Variants in EBAG9 observed in about 807,000 individuals in gnomAD.
EBAG9 encodes estrogen receptor binding site associated antigen 9.
Under a neutral mutation model 30.9 loss-of-function variants are expected in EBAG9, and 16 were observed. The ratio of observed to expected loss-of-function variants is 0.52; its 90% CI spans 0.35 to 0.79. EBAG9 has a LOEUF of 0.79. Ranked by LOEUF, EBAG9 falls within the 30% of genes least tolerant of loss-of-function variation. EBAG9 has a pLI of 0.01. For synonymous variants in EBAG9, 93 were observed against 82.8 expected (o/e 1.12, Z -0.67); for missense variants, 197 against 242.1 (o/e 0.81, Z 1.24).
At chr8:109,559,636 A>C (rs1821672180) in intron 5 of EBAG9, among the ~76,000 whole-genome samples, 1 of 152,112 alleles carries the variant, frequency 6.6e-6, no homozygotes, top group Non-Finnish European at 1.5e-5. Flanking sequence ...ACATAGCTAG[A>C]CCTCATCTCT....
chr8:109,549,321 T>C (rs1821448322), intron 1 of EBAG9, among the ~76,000 whole-genome samples: 1 of 152,028 alleles, frequency 6.6e-6, no homozygotes, highest in Non-Finnish European at 1.5e-5. Context: ...TAAGGAGATT[T>C]GTGTCTAGAT....
At chr8:109,544,916 G>T (rs1275580102) in intron 1 of EBAG9, among the ~76,000 whole-genome samples, 2 of 151,992 alleles carry the variant, frequency 1.3e-5, no homozygotes, top group Non-Finnish European at 2.9e-5. Context: ...ATTAAATAGT[G>T]ATTATTAGGG....
At position 109,564,487 on chromosome 8, in the gene EBAG9, G is replaced by A. The variant is rs938093541; in HGVS notation, c.570G>A (p.Arg190=). The A allele has an allele frequency of 6.2e-7, 1 of 1,612,814 alleles. No individual in the cohort carries two copies. The highest frequency in any genetic ancestry group is 1.7e-5 in the Admixed American group (1 of 59,918). ...DREKRAAEQQ[R]KKMEKEAQRL... is the part of the protein sequence containing the mutation. ...AAAAGAGAGCAGCCGAACAACAAAGGAAGAAAATGGAAAAGGAAGCACAAC... is the reference window on the plus strand; with the variant it reads ...AAAAGAGAGCAGCCGAACAACAAAGAAAGAAAATGGAAAAGGAAGCACAAC... The change falls in exon 7 of 7, where the codon AGG becomes AGA. Residue 190 remains arginine, a synonymous_variant. Transcript: ENST00000337573.
intron 4 of EBAG9, among the ~76,000 whole-genome samples, chr8:109,556,353 C>G (rs555895733): frequency 6.6e-6 from 1 of 152,134 alleles, no homozygotes; most frequent in Admixed American, 6.5e-5. Flanking sequence ...TGTCTCAATG[C>G]TAAAACACAT....
rs536345554 is a variant in EBAG9, at chr8:109,544,805, T to A, written c.-16+4344T>A. Among the ~76,000 whole-genome samples the A allele has an allele frequency of 2.1e-4, 32 of 152,192 alleles. 1 individual carries two copies. Among genetic ancestry groups the A allele is most frequent in the Middle Eastern group, 3.2e-3 (1 of 316 alleles). On this transcript the variant is annotated intron_variant, in intron 1 of 6. Transcript: ENST00000337573. ...TAATGGATTAACAGATTTTTTTCCCTCTTTCGTGTGTATTTTGAGGCTCTT... is the reference window on the plus strand; with the variant it reads ...TAATGGATTAACAGATTTTTTTCCCACTTTCGTGTGTATTTTGAGGCTCTT...
intron 5 of EBAG9, 64 bp downstream of exon 5, chr8:109,557,106 A>C: frequency 9.7e-7 from 1 of 1,029,990 alleles, no homozygotes; most frequent in South Asian, 1.7e-5. Flanking sequence ...AAAGCAGAGG[A>C]ATAAAATCTA....
At chr8:109,548,579 ATGT>A (rs1389299214) in intron 1 of EBAG9, among the ~76,000 whole-genome samples, 18 of 152,178 alleles carry the variant, frequency 1.2e-4, no homozygotes, top group Admixed American at 1.2e-3. Context: ...ATTTTGGGAA[ATGT>A]TGATATCTTA....
intron 6 of EBAG9, among the ~76,000 whole-genome samples, chr8:109,562,070 GATAA>G (rs1821722763): frequency 1.3e-5 from 2 of 151,794 alleles, no homozygotes; most frequent in African/African-American, 4.8e-5. Flanking sequence ...CATCAAAAAA[GATAA>G]ATCATCTCTT....
intron 1 of EBAG9, among the ~76,000 whole-genome samples, chr8:109,541,546 A>G (rs1464609055): frequency 6.6e-6 from 1 of 152,186 alleles, no homozygotes; most frequent in Non-Finnish European, 1.5e-5. Context: ...GTGCTCAAGG[A>G]ATGTTAGTTT....
intron 1 of EBAG9, among the ~76,000 whole-genome samples, chr8:109,546,953 G>A (rs1821397361): frequency 6.6e-6 from 1 of 152,196 alleles, no homozygotes; most frequent in Non-Finnish European, 1.5e-5. Context: ...ATATACATTT[G>A]TGTTGTTTCC....
At chr8:109,557,536 A>G (rs965728014) in intron 5 of EBAG9, among the ~76,000 whole-genome samples, 5 of 152,194 alleles carry the variant, frequency 3.3e-5, no homozygotes, top group African/African-American at 7.2e-5. Context: ...TAAAAGCACA[A>G]ATGTCCAGAC....
rs778789970 is a variant in EBAG9, at chr8:109,565,280, A to G, written c.*721A>G. 2.0e-5 allele frequency: 3 copies of G among 152,580 alleles called. No homozygotes were observed. The highest frequency in any genetic ancestry group is 2.1e-4 in the South Asian group (1 of 4,822). The allele number at this position is 152,580 out of a possible 1,614,324, so 9.5% of individuals were successfully genotyped here. On this transcript the variant is annotated 3_prime_UTR_variant, in exon 7 of 7. Coordinates refer to ENST00000337573, the MANE Select transcript of EBAG9 (RefSeq NM_004215.5). ...CATTTGTTCTACATTATAACTTGTG[A>G]GTTTCAAGAACTAGTATTAGTAGTT...
At chr8:109,548,729 A>G (rs562809482) in intron 1 of EBAG9, among the ~76,000 whole-genome samples, 36 of 152,060 alleles carry the variant, frequency 2.4e-4, no homozygotes, top group African/African-American at 8.2e-4. Context: ...TGCCTATATA[A>G]ATTTTTTTAA....
At chr8:109,546,590 T>C (rs1384838403) in intron 1 of EBAG9, among the ~76,000 whole-genome samples, 1 of 152,264 alleles carries the variant, frequency 6.6e-6, no homozygotes, top group Non-Finnish European at 1.5e-5. Context: ...TGCAGCCCAA[T>C]GCAAATTAGT....
At chr8:109,560,031 A>G (rs1157417075) in intron 5 of EBAG9, among the ~76,000 whole-genome samples, 6 of 152,166 alleles carry the variant, frequency 3.9e-5, no homozygotes, top group Non-Finnish European at 7.4e-5. Flanking sequence ...AAAACATTCT[A>G]TTTCATTTTT....
At chr8:109,559,155 T>C (rs1200730010) in intron 5 of EBAG9, among the ~76,000 whole-genome samples, 2 of 152,112 alleles carry the variant, frequency 1.3e-5, no homozygotes, top group African/African-American at 4.8e-5. Context: ...AAAAGCTTGA[T>C]CTTATTAGTG....
intron 2 of EBAG9, among the ~76,000 whole-genome samples, chr8:109,551,694 C>T (rs116224805): frequency 6.6e-4 from 101 of 152,144 alleles, no homozygotes; most frequent in African/African-American, 2.4e-3. Flanking sequence ...GGTGACATCT[C>T]ATTGCAAAGC....
intron 1 of EBAG9, chr8:109,550,460 AT>A (rs1371596678): frequency 2.4e-5 from 4 of 164,302 alleles, no homozygotes; most frequent in Non-Finnish European, 5.2e-5. Context: ...AAATAGTATT[AT>A]GTTCATGTGG....
At position 109,564,542 on chromosome 8, in the gene EBAG9, G is replaced by C. The variant is rs1486420469; in HGVS notation, c.625G>C (p.Gly209Arg). The C allele has an allele frequency of 6.2e-7, 1 of 1,611,486 alleles. No individual in the cohort carries two copies. Among genetic ancestry groups the C allele is most frequent in the Non-Finnish European group, 8.5e-7 (1 of 1,178,304 alleles). The change falls in exon 7 of 7, where the codon GGT (glycine) becomes CGT (arginine). Residue 209 changes from glycine to arginine, a missense_variant. Coordinates refer to ENST00000337573, the MANE Select transcript of EBAG9 (RefSeq NM_004215.5). ...AATGAAGAAGGAACAAAACAAAATT[G>C]GTGTGAAACTTTCATAACACATGTT... Reference protein sequence around the residue: ...RLMKKEQNKIGVKLS With the variant: ...RLMKKEQNKIRVKLS
Sources: allele counts gnomAD v4.1 joint callset (sites outside exome capture counted in the v4.1 genomes callset), GRCh38; gene constraint gnomAD v4.1.1; transcripts MANE v1.5; gene names NCBI Gene and HGNC (gene_info 2026-07-23, HGNC 2026-07-21).